SPTA1: variants seen among roughly 807,000 people sequenced by gnomAD.
SPTA1 encodes the protein spectrin alpha chain, erythrocytic 1.
A neutral mutation model predicts 324.7 loss-of-function variants in SPTA1; 177 were observed. The observed-to-expected ratio is 0.55, with a 90% CI of 0.48 to 0.62. The LOEUF (loss-of-function observed/expected upper bound fraction) is 0.62. Among genes scored for constraint, SPTA1 ranks in the 20% least tolerant of loss-of-function variants. The pLI, the probability that SPTA1 is intolerant of heterozygous loss-of-function variation, is 0.00. For missense variants in SPTA1, 3,162 were observed against 2,883.6 expected (o/e 1.10, Z -2.21); for synonymous variants, 1,195 against 1,041.3 (o/e 1.15, Z -2.84).
chr1:158,654,594 T>C lies in SPTA1; in HGVS notation c.3036+17A>G. On this transcript the variant is annotated intron_variant, in intron 21 of 51. Coordinates refer to ENST00000643759, the MANE Select transcript of SPTA1 (RefSeq NM_003126.4). ...AAAGAGCCACTTTTTGATGGAAAGA[T>C]TAGAAGGAAAAGTCACCTTATTGAT... The C allele has an allele frequency of 1.2e-6, 2 of 1,613,706 alleles. No individual in the cohort carries two copies. Among genetic ancestry groups the C allele is most frequent in the Non-Finnish European group, 1.7e-6 (2 of 1,179,912 alleles).
intron 27 of SPTA1, 104 bp from the exon 28 acceptor site, chr1:158,645,698 C>T: frequency 8.2e-7 from 1 of 1,218,474 alleles, no homozygotes; most frequent in Non-Finnish European, 1.2e-6. Context: ...TCCAGAATAA[C>T]ATTTTTTATC....
At chr1:158,669,912 A>T in intron 12 of SPTA1, 126 bp from the exon 13 acceptor site, 1 of 862,420 alleles carries the variant, frequency 1.2e-6, no homozygotes. Context: ...AGGCCAGCAG[A>T]TGTAAGTCCT....
Position 158,636,654 on chromosome 1 carries a change from T to A in SPTA1, c.5297A>T (p.Glu1766Val). 1 of 1,614,098 alleles carries A rather than the reference T, an allele frequency of 6.2e-7. No individual in the cohort carries two copies. Among genetic ancestry groups the A allele is most frequent in the Non-Finnish European group, 8.5e-7 (1 of 1,179,986 alleles). ...TTCTATTCCTACCTGGATGGCAGGC[T>A]CATGGGCCACCAGCTCCCCCTCTAG... Reference protein sequence around the residue: ...KRLEGELVAHEPAIQNVLDMA... With the variant: ...KRLEGELVAHVPAIQNVLDMA... The change falls in exon 37 of 52, where the codon GAG becomes GTG. Residue 1766 changes from glutamate (E) to valine (V), a missense_variant. Coordinates refer to ENST00000643759, the MANE Select transcript of SPTA1 (RefSeq NM_003126.4).
At chr1:158,616,542 A>G (rs1221620968) in intron 47 of SPTA1, among the ~76,000 whole-genome samples, 4 of 151,132 alleles carry the variant, frequency 2.6e-5, no homozygotes, top group African/African-American at 9.7e-5. Flanking sequence ...ACTTAATATA[A>G]TGACATTCAG....
chr1:158,619,257 A>G lies in SPTA1; in HGVS notation c.6495T>C (p.Asn2165=). The change falls in exon 45 of 52, where the codon AAT becomes AAC. Residue 2165 remains asparagine, a synonymous_variant. Coordinates refer to ENST00000643759, the MANE Select transcript of SPTA1 (RefSeq NM_003126.4). ...GGATCCATTGAAGGAAGGTACTGGC[A>G]TTCTGTTCAAACTCCTGACACATCT... ...NFEMCQEFEQ[N]ASTFLQWILE... 6.2e-7 allele frequency: 1 copy of G among 1,614,114 alleles called. No homozygotes were observed. Among genetic ancestry groups the G allele is most frequent in the African/African-American group, 1.3e-5 (1 of 75,050 alleles).
intron 16 of SPTA1, among the ~76,000 whole-genome samples, chr1:158,663,343 C>G (rs7536211): frequency 0.071 from 10,750 of 152,126 alleles, 1,290 homozygotes; most frequent in African/African-American, 0.24. Context: ...GCTATAACTG[C>G]AAATAAATGG....
Position 158,620,391 on chromosome 1 carries a change from A to T in SPTA1, c.6196T>A (p.Leu2066Met). 1 of 1,613,960 alleles carries T rather than the reference A, an allele frequency of 6.2e-7. No homozygotes were observed. Among genetic ancestry groups the T allele is most frequent in the Non-Finnish European group, 8.5e-7 (1 of 1,180,018 alleles). The change falls in exon 44 of 52, where the codon TTG becomes ATG. Residue 2066 changes from leucine to methionine, a missense_variant. Leu to Met is a conservative substitution (Grantham distance 15). Transcript: ENST00000643759. ...NNWCEKMEENLSEPVHCVSLN... is the reference protein window; with the variant it reads ...NNWCEKMEENMSEPVHCVSLN... ...GAGACACAGTGCACAGGCTCTGACAAGTTTTCTTCCATCTTTTCACACCAG... is the reference window on the plus strand; with the variant it reads ...GAGACACAGTGCACAGGCTCTGACATGTTTTCTTCCATCTTTTCACACCAG...
chr1:158,667,876 C>G lies in SPTA1; in HGVS notation c.2020G>C (p.Glu674Gln), dbSNP rs201806839. 5.4e-5 allele frequency: 87 copies of G among 1,613,892 alleles called. 1 individual carries two copies. In the African/African-American group the frequency reaches 1.1e-3, roughly 20 times the overall value. The part of the protein sequence containing the change: ...EVASLWEELL[E>Q]ATKQKGTQLH... ...TTTTTACCTTTCTGTTTTGTAGCCT[C>G]CAGCAACTCCTCCCAGAGGCTGGCA... Residue 674 changes from glutamate to glutamine, a missense_variant, in exon 15 of 52, where the codon GAG becomes CAG. By Grantham distance (29) the Glu-to-Gln change is conservative. Transcript: ENST00000643759.
At chr1:158,636,592 T>C (rs1027791466) in intron 37 of SPTA1, 49 bp downstream of exon 37, 2 of 1,601,422 alleles carry the variant, frequency 1.2e-6, no homozygotes, top group Non-Finnish European at 1.7e-6. Context: ...ACACAAGGGG[T>C]TGCTATAGGA....
In SPTA1 at chr1:158,666,478, G is replaced by T; in HGVS notation, c.2058C>A (p.Ala686=). The T allele has an allele frequency of 6.2e-7, 1 of 1,609,852 alleles. No homozygotes were observed. The highest frequency in any genetic ancestry group is 8.5e-7 in the Non-Finnish European group (1 of 1,179,916). Residue 686 remains alanine, a synonymous_variant, in exon 16 of 52, where the codon GCC becomes GCA. Transcript: ENST00000643759. ...TATTTTCAAATTGCAGCTGCTGGTTGGCCTCATGCAACTGGGTCCCTGGGA... is the reference window on the plus strand; with the variant it reads ...TATTTTCAAATTGCAGCTGCTGGTTTGCCTCATGCAACTGGGTCCCTGGGA... ...TKQKGTQLHE[A]NQQLQFENNA...
rs1177353050 is a variant in SPTA1, at chr1:158,659,595, A to ATTTTTTTTTTTTTTTTTTTTTTTTTTTT, written c.2587+1691_2587+1692insAAAAAAAAAAAAAAAAAAAAAAAAAAAA. ...AAAAGAAAATAATAGTCTTAGCATT[A>ATTTTTTTTTTTTTTTTTTTTTTTTTTTT]TTTTTTTTTTTTTTTTTTTTTTTTT... On this transcript the variant is annotated intron_variant, in intron 18 of 51. Coordinates refer to ENST00000643759, the MANE Select transcript of SPTA1 (RefSeq NM_003126.4). Among the ~76,000 whole-genome samples the ATTTTTTTTTTTTTTTTTTTTTTTTTTTT allele has an allele frequency of 8.7e-5, 6 of 68,780 alleles. 2 individuals are homozygous for ATTTTTTTTTTTTTTTTTTTTTTTTTTTT. Among genetic ancestry groups the ATTTTTTTTTTTTTTTTTTTTTTTTTTTT allele is most frequent in the Non-Finnish European group, 1.7e-4 (5 of 30,036 alleles). 45.1% of individuals were successfully genotyped at this position (68,780 alleles called of 152,430 possible).
chr1:158,686,684 C>A lies in SPTA1; in HGVS notation c.-167G>T. 8.4e-6 allele frequency: 5 copies of A among 591,990 alleles called. No individual in the cohort carries two copies. Among genetic ancestry groups the A allele is most frequent in the East Asian group, 2.8e-5 (1 of 35,206 alleles). 36.7% of individuals were successfully genotyped at this position (591,990 alleles called of 1,614,324 possible). ...TGCTTGGTCCTAGAATCCCATCAGC[C>A]ATACACAATCGACATTATCTTTAGA... On this transcript the variant is annotated 5_prime_UTR_variant, in exon 1 of 52. An upstream start codon of the reference 5' UTR is lost. Transcript: ENST00000643759.
At chr1:158,683,648 G>T in intron 2 of SPTA1, 152 bp from the exon 3 acceptor site, 1 of 958,246 alleles carries the variant, frequency 1.0e-6, no homozygotes, top group Non-Finnish European at 1.6e-6. Flanking sequence ...GCTTTAGGAA[G>T]TTTTCAGTAA....
At chr1:158,682,588 AT>A (rs1207792043) in intron 3 of SPTA1, among the ~76,000 whole-genome samples, 2 of 152,178 alleles carry the variant, frequency 1.3e-5, no homozygotes, top group African/African-American at 2.4e-5. Flanking sequence ...ATGGGCTAGA[AT>A]TTTTATGCTA....
At position 158,669,765 on chromosome 1, in the gene SPTA1, T is replaced by C. The variant is rs751737968; in HGVS notation, c.1621A>G (p.Lys541Glu). ...TCATAATGGTCATCACCAATCAATT[T>C]GGTTGCAGTCTTGTCTACAGTCTGA... The part of the protein sequence containing the change: ...KIITVDKTAT[K>E]LIGDDHYDSE... The change falls in exon 13 of 52, where the codon AAA (lysine) becomes GAA (glutamate). Residue 541 changes from lysine to glutamate, a missense_variant. Coordinates refer to ENST00000643759, the MANE Select transcript of SPTA1 (RefSeq NM_003126.4). 1 of 1,614,122 alleles carries C rather than the reference T, an allele frequency of 6.2e-7. No individual in the cohort carries two copies. Among genetic ancestry groups the C allele is most frequent in the East Asian group, 2.2e-5 (1 of 44,876 alleles).
intron 45 of SPTA1, 123 bp downstream of exon 45, chr1:158,619,099 T>TG: frequency 2.1e-6 from 2 of 948,304 alleles, no homozygotes; most frequent in Admixed American, 3.6e-5. Flanking sequence ...AGGCAAGATA[T>TG]GGGGATTTTA....
At chr1:158,620,725 T>C in intron 43 of SPTA1, 1 of 397,844 alleles carries the variant, frequency 2.5e-6, no homozygotes, top group East Asian at 4.2e-5. Flanking sequence ...GAGGTCGAAT[T>C]ATTTCTAAAA....
intron 17 of SPTA1, 118 bp downstream of exon 17, chr1:158,662,584 G>C: frequency 7.2e-7 from 1 of 1,390,660 alleles, no homozygotes; most frequent in South Asian, 1.3e-5. Context: ...TTTCATGAGT[G>C]TGAGAAGAAA....
chr1:158,686,538 C>G lies in SPTA1; in HGVS notation c.-21G>C. ...TCCATTTTTCCTAAAGGTTTAGAAC[C>G]TGGCAAGATAAAATGTGTCAGAGAG... is the stretch of plus-strand genomic sequence containing the variant. On this transcript the variant is annotated 5_prime_UTR_variant, in exon 1 of 52. Transcript: ENST00000643759. 1.9e-6 allele frequency: 3 copies of G among 1,574,742 alleles called. No individual in the cohort carries two copies. The highest frequency in any genetic ancestry group is 2.6e-6 in the Non-Finnish European group (3 of 1,155,792).
Sources: gnomAD v4.1 joint callset for allele counts (sites outside exome capture counted in the v4.1 genomes callset) on GRCh38, gnomAD v4.1.1 for gene constraint, MANE v1.5 for transcripts, NCBI Gene and HGNC (gene_info 2026-07-23, HGNC 2026-07-21) for gene names.